Variants in QSOX1 observed in about 807,000 individuals in gnomAD.
QSOX1 encodes the protein sulfhydryl oxidase 1.
In QSOX1, 40 loss-of-function variants were observed where a neutral mutation model predicts 76.1. The observed-to-expected ratio is 0.53, with a 90% CI of 0.41 to 0.68. QSOX1 has a LOEUF of 0.68. Ranked by LOEUF, QSOX1 falls within the 30% of genes least tolerant of loss-of-function variation. The pLI, the probability that QSOX1 is intolerant of heterozygous loss-of-function variation, is 0.00. For missense variants in QSOX1, 931 were observed against 974.3 expected (o/e 0.96, Z 0.59); for synonymous variants, 392 against 413.1 (o/e 0.95, Z 0.62).
At chr1:180,174,307 T>C (rs919017776) in intron 2 of QSOX1, among the ~76,000 whole-genome samples, 2 of 152,262 alleles carry the variant, frequency 1.3e-5, no homozygotes, top group Non-Finnish European at 2.9e-5. Context: ...CTGTTCGGTC[T>C]GTCCTCTTGC....
chr1:180,165,007 G>T (rs922617022), intron 1 of QSOX1, among the ~76,000 whole-genome samples: 1 of 152,164 alleles, frequency 6.6e-6, no homozygotes, highest in Admixed American at 6.5e-5. Flanking sequence ...TATCAAGGGG[G>T]CAGTGCCGAG....
intron 7 of QSOX1, among the ~76,000 whole-genome samples, chr1:180,184,540 G>C (rs1663122994): frequency 6.6e-6 from 1 of 152,194 alleles, no homozygotes; most frequent in South Asian, 2.1e-4. Context: ...TTGAATGCCT[G>C]TGGTGTCAGT....
At chr1:180,190,720 G>A (rs538778171) in intron 10 of QSOX1, 140 bp downstream of exon 10, 43 of 1,092,526 alleles carry the variant, frequency 3.9e-5, no homozygotes, top group Admixed American at 1.7e-4. Flanking sequence ...TCAGCCTTGG[G>A]GCTCTGGCTG....
At chr1:180,177,667 T>G (rs1228253220) in intron 4 of QSOX1, among the ~76,000 whole-genome samples, 1 of 152,162 alleles carries the variant, frequency 6.6e-6, no homozygotes, top group Non-Finnish European at 1.5e-5. Flanking sequence ...CTGGCCCCCA[T>G]GTAGGTTGTG....
chr1:180,165,339 G>A (rs1056636372), intron 1 of QSOX1, among the ~76,000 whole-genome samples: 20 of 152,206 alleles, frequency 1.3e-4, no homozygotes, highest in African/African-American at 4.8e-4. Context: ...CTTCAGAGAC[G>A]CATGTGGGTC....
chr1:180,194,261 T>A lies in QSOX1; in HGVS notation c.1337T>A (p.Phe446Tyr). 2 of 1,613,216 alleles carry A rather than the reference T, an allele frequency of 1.2e-6. No homozygotes were observed. The highest frequency in any genetic ancestry group is 2.2e-5 in the East Asian group (1 of 44,846). The change falls in exon 11 of 12, where the codon TTC (phenylalanine) becomes TAC (tyrosine). Residue 446 changes from phenylalanine (F) to tyrosine (Y), a missense_variant. By Grantham distance (22) the Phe-to-Tyr change is conservative (BLOSUM62 3). Transcript: ENST00000367602. ...LPAIRGYVHY[F>Y]FGCRDCASHF... ...GCCATCCGAGGCTACGTGCACTACT[T>A]CTTCGGCTGCCGAGACTGCGCTAGC...
intron 5 of QSOX1, among the ~76,000 whole-genome samples, chr1:180,180,554 GC>G (rs769057806): frequency 2.0e-5 from 3 of 152,172 alleles, no homozygotes; most frequent in Non-Finnish European, 4.4e-5. Context: ...TCGCTCTGTC[GC>G]CCAGGCGGGA....
chr1:180,165,632 C>T (rs1350937277), intron 1 of QSOX1, among the ~76,000 whole-genome samples: 1 of 152,242 alleles, frequency 6.6e-6, no homozygotes, highest in African/African-American at 2.4e-5. Context: ...TGATTTGGCC[C>T]CTGCCACTGC....
At position 180,182,277 on chromosome 1, in the gene QSOX1, G is replaced by C; in HGVS notation, c.710G>C (p.Cys237Ser). ...RKFGVTDFPS[C>S]YLLFRNGSVS... ...TTTGGTGTCACCGACTTCCCCTCTT[G>C]CTACCTGCTGTTCCGGAATGGCTCT... The change falls in exon 6 of 12, where the codon TGC becomes TCC. Residue 237 changes from cysteine to serine, a missense_variant. By Grantham distance (112) the Cys-to-Ser change is moderately radical. Coordinates refer to ENST00000367602, the MANE Select transcript of QSOX1 (RefSeq NM_002826.5). 2 of 1,614,224 alleles carry C rather than the reference G, an allele frequency of 1.2e-6. No homozygotes were observed. Among genetic ancestry groups the C allele is most frequent in the Non-Finnish European group, 1.7e-6 (2 of 1,180,044 alleles).
chr1:180,160,653 A>C (rs1044515437), intron 1 of QSOX1, among the ~76,000 whole-genome samples: 1 of 152,194 alleles, frequency 6.6e-6, no homozygotes, highest in Non-Finnish European at 1.5e-5. Flanking sequence ...GTAATCAAGG[A>C]TAAAGTGGAA....
intron 1 of QSOX1, among the ~76,000 whole-genome samples, chr1:180,160,719 A>T (rs1224252477): frequency 1.3e-5 from 2 of 152,196 alleles, no homozygotes; most frequent in Non-Finnish European, 2.9e-5. Context: ...GAAGTTGTCA[A>T]CTTCTTGTCC....
At chr1:180,174,198 A>G (rs1662825166) in intron 2 of QSOX1, among the ~76,000 whole-genome samples, 1 of 152,186 alleles carries the variant, frequency 6.6e-6, no homozygotes, top group Non-Finnish European at 1.5e-5. Flanking sequence ...TTCCAGGACA[A>G]CTCAACTGTG....
In QSOX1 at chr1:180,182,225, A is replaced by C; in HGVS notation, c.658A>C (p.Asn220His). ...HKGVAVRRVL[N>H]TEANVVRKFG... ...AGGCGTGGCGGTGCGCAGGGTGCTG[A>C]ACACAGAGGCCAATGTGGTGAGAAA... Residue 220 changes from asparagine (N) to histidine (H), a missense_variant, in exon 6 of 12, where the codon AAC (asparagine) becomes CAC (histidine). Physicochemically the swap from Asn to His is moderately conservative, Grantham distance 68 (BLOSUM62 1). Coordinates refer to ENST00000367602, the MANE Select transcript of QSOX1 (RefSeq NM_002826.5). 3 of 1,614,200 alleles carry C rather than the reference A, an allele frequency of 1.9e-6. No individual in the cohort carries two copies. Among genetic ancestry groups the C allele is most frequent in the Non-Finnish European group, 8.5e-7 (1 of 1,180,040 alleles).
chr1:180,197,132 T>A lies in QSOX1; in HGVS notation c.*95T>A. Reference sequence around the variant, plus strand: ...CTCCCCTCCCACCCCTTGCTCCTTGTCTGGCCTAGAAGTGTGGGAAATTCA... The same window carrying A: ...CTCCCCTCCCACCCCTTGCTCCTTGACTGGCCTAGAAGTGTGGGAAATTCA... On this transcript the variant is annotated 3_prime_UTR_variant, in exon 12 of 12. Coordinates refer to ENST00000367602, the MANE Select transcript of QSOX1 (RefSeq NM_002826.5). 6.8e-7 allele frequency: 1 copy of A among 1,476,932 alleles called. No homozygotes were observed. The highest frequency in any genetic ancestry group is 2.4e-5 in the East Asian group (1 of 41,782). The allele number at this position is 1,476,932 out of a possible 1,614,324, so 91.5% of individuals were successfully genotyped here. A position where few individuals can be genotyped will look rare whatever the true frequency, so the allele number is the denominator to read the frequency against.
At chr1:180,164,617 G>C (rs141106518) in intron 1 of QSOX1, among the ~76,000 whole-genome samples, 10 of 152,284 alleles carry the variant, frequency 6.6e-5, no homozygotes, top group Non-Finnish European at 1.2e-4. Flanking sequence ...GGTGTGCCAG[G>C]CTCTTCCTGC....
At chr1:180,162,134 T>G (rs1034164790) in intron 1 of QSOX1, among the ~76,000 whole-genome samples, 1 of 152,222 alleles carries the variant, frequency 6.6e-6, no homozygotes, top group Admixed American at 6.5e-5. Flanking sequence ...TAACCAAAAT[T>G]AAGGCTGATA....
At chr1:180,185,477 G>A (rs760097564) in intron 7 of QSOX1, among the ~76,000 whole-genome samples, 10 of 152,200 alleles carry the variant, frequency 6.6e-5, no homozygotes, top group African/African-American at 1.2e-4. Flanking sequence ...AGAGGTGTGA[G>A]ATGGGCCCAC....
chr1:180,162,361 A>G (rs1471942454), intron 1 of QSOX1, among the ~76,000 whole-genome samples: 2 of 152,208 alleles, frequency 1.3e-5, no homozygotes, highest in Non-Finnish European at 2.9e-5. Flanking sequence ...AAATGTTCCA[A>G]AGTTACTTCA....
chr1:180,165,567 C>G (rs967843779), intron 1 of QSOX1, among the ~76,000 whole-genome samples: 16 of 152,252 alleles, frequency 1.1e-4, no homozygotes, highest in African/African-American at 3.9e-4. Context: ...TCCTGCTGAG[C>G]CCATGCCTTG....
Sources: gnomAD v4.1 joint callset for allele counts (sites outside exome capture counted in the v4.1 genomes callset) on GRCh38, gnomAD v4.1.1 for gene constraint, MANE v1.5 for transcripts, NCBI Gene and HGNC (gene_info 2026-07-23, HGNC 2026-07-21) for gene names.